FCHO2: variants seen among roughly 807,000 people sequenced by gnomAD.
FCHO2 encodes F-BAR domain only protein 2.
FCHO2 carries 43 observed loss-of-function variants against 114.1 expected under a neutral mutation model. The ratio of observed to expected loss-of-function variants is 0.38; its 90% CI spans 0.30 to 0.49. FCHO2 has a LOEUF of 0.49. Ranked by LOEUF, FCHO2 falls within the 20% of genes least tolerant of loss-of-function variation. FCHO2 has a pLI of 0.97. For synonymous variants in FCHO2, 293 were observed against 315.2 expected (o/e 0.93, Z 0.75); for missense variants, 807 against 950.4 (o/e 0.85, Z 1.98).
At chr5:73,084,142 C>G (rs1419019682) in intron 24 of FCHO2, among the ~76,000 whole-genome samples, 5 of 152,126 alleles carry the variant, frequency 3.3e-5, no homozygotes, top group Admixed American at 3.3e-4. Flanking sequence ...CTTGGGACAG[C>G]CAAGTCTTTA....
chr5:73,018,350 C>G (rs1349971207), intron 8 of FCHO2, among the ~76,000 whole-genome samples: 1 of 152,098 alleles, frequency 6.6e-6, no homozygotes, highest in African/African-American at 2.4e-5. Flanking sequence ...CTTCTCCAAT[C>G]TATTTTACAT....
At chr5:73,068,024 C>T (rs1229036633) in intron 18 of FCHO2, among the ~76,000 whole-genome samples, 1 of 151,854 alleles carries the variant, frequency 6.6e-6, no homozygotes, top group African/African-American at 2.4e-5. Flanking sequence ...GGAAGCATTA[C>T]AAGGAATTAC....
chr5:72,958,717 A>C (rs1292978474), intron 1 of FCHO2, among the ~76,000 whole-genome samples: 1 of 152,206 alleles, frequency 6.6e-6, no homozygotes, highest in Non-Finnish European at 1.5e-5. Flanking sequence ...TTAGCCTGTC[A>C]ATTTTAGGCA....
At chr5:73,054,458 A>G (rs1479667186) in intron 14 of FCHO2, 67 bp from the exon 15 acceptor site, 7 of 1,387,252 alleles carry the variant, frequency 5.0e-6, no homozygotes, top group Non-Finnish European at 6.9e-6. Context: ...CAGTATTAAC[A>G]TTTTACCAAA....
In FCHO2 at chr5:72,975,417, C is replaced by T. The variant is rs1202952741; in HGVS notation, c.125+6828C>T. 4.6e-5 allele frequency among the ~76,000 whole-genome samples: 7 copies of T among 152,146 alleles called. No homozygotes were observed. The East Asian group carries it at 1.3e-3, about 29-fold the overall frequency. On this transcript the variant is annotated intron_variant, in intron 2 of 25. Coordinates refer to ENST00000430046, the MANE Select transcript of FCHO2 (RefSeq NM_138782.3). ...TCAATGCTCACTGTAACTTCTGCCC[C>T]CTGGATTCAAGCGATTCTTGTGCCT...
At chr5:73,042,299 T>C (rs1048179233) in intron 11 of FCHO2, among the ~76,000 whole-genome samples, 3 of 152,180 alleles carry the variant, frequency 2.0e-5, no homozygotes, top group African/African-American at 2.4e-5. Context: ...GGTTAACTAA[T>C]TAATGAAAAG....
At chr5:73,073,746 A>G (rs1303297657) in intron 19 of FCHO2, among the ~76,000 whole-genome samples, 1 of 152,126 alleles carries the variant, frequency 6.6e-6, no homozygotes, top group Admixed American at 6.6e-5. Context: ...TTGTTTCACT[A>G]CAGGAGTCGC....
At chr5:73,078,568 A>G (rs1742991525) in intron 22 of FCHO2, among the ~76,000 whole-genome samples, 1 of 152,220 alleles carries the variant, frequency 6.6e-6, no homozygotes, top group Non-Finnish European at 1.5e-5. Flanking sequence ...TAGCAGTATC[A>G]GTCTTAACAA....
intron 16 of FCHO2, among the ~76,000 whole-genome samples, chr5:73,056,358 A>T (rs1033981704): frequency 5.3e-5 from 8 of 152,218 alleles, no homozygotes; most frequent in Non-Finnish European, 8.8e-5. Context: ...TTGGTGTTGG[A>T]CAAATGTGTA....
chr5:73,021,885 C>T (rs1755647106), intron 8 of FCHO2, among the ~76,000 whole-genome samples: 1 of 152,108 alleles, frequency 6.6e-6, no homozygotes, highest in Non-Finnish European at 1.5e-5. Context: ...GTTTAGTGAG[C>T]TCTTACTGTG....
At chr5:73,034,791 T>G in intron 9 of FCHO2, 90 bp downstream of exon 9, 1 of 1,061,218 alleles carries the variant, frequency 9.4e-7, no homozygotes, top group Non-Finnish European at 1.3e-6. Flanking sequence ...CTGCTATCCC[T>G]AGGTGTCAGC....
intron 8 of FCHO2, among the ~76,000 whole-genome samples, chr5:73,023,700 C>CAA (rs201431388): frequency 7.8e-6 from 1 of 127,582 alleles, no homozygotes. Context: ...AACTCCATCT[C>CAA]AAAAAAAAAA....
chr5:72,964,938 C>T (rs747108632), intron 1 of FCHO2, among the ~76,000 whole-genome samples: 2 of 151,922 alleles, frequency 1.3e-5, no homozygotes, highest in Non-Finnish European at 2.9e-5. Flanking sequence ...TCCCTTTGTC[C>T]AGTGCATCCA....
intron 8 of FCHO2, among the ~76,000 whole-genome samples, chr5:73,024,397 G>A (rs1755802937): frequency 6.6e-6 from 1 of 150,780 alleles, no homozygotes; most frequent in Non-Finnish European, 1.5e-5. Context: ...TAGTGCAGTG[G>A]TTTGTGACCT....
rs577951574 is a variant in FCHO2, at chr5:73,035,847, T to C, written c.841+1146T>C. 9.3e-4 allele frequency among the ~76,000 whole-genome samples: 141 copies of C among 152,126 alleles called. 2 individuals are homozygous for C. Among genetic ancestry groups the C allele is most frequent in the African/African-American group, 3.3e-3 (138 of 41,522 alleles). On this transcript the variant is annotated intron_variant, in intron 9 of 25. Coordinates refer to ENST00000430046, the MANE Select transcript of FCHO2 (RefSeq NM_138782.3). ...GAGTAAACACCTAAGTTTTAAGTGCTGAATTCTTTTTTTTGAGACGGGGTC... is the reference window on the plus strand; with the variant it reads ...GAGTAAACACCTAAGTTTTAAGTGCCGAATTCTTTTTTTTGAGACGGGGTC...
intron 11 of FCHO2, among the ~76,000 whole-genome samples, chr5:73,042,635 G>GA (rs1434360004): frequency 2.0e-5 from 3 of 152,012 alleles, no homozygotes; most frequent in African/African-American, 2.4e-5. Flanking sequence ...TATAAAACTA[G>GA]AAAAAATACG....
intron 6 of FCHO2, among the ~76,000 whole-genome samples, chr5:73,008,728 T>G (rs1190712088): frequency 6.6e-6 from 1 of 152,154 alleles, no homozygotes; most frequent in Non-Finnish European, 1.5e-5. Flanking sequence ...AAAACTTGAC[T>G]TGAACTGATA....
chr5:73,005,584 C>T (rs1348566702), intron 5 of FCHO2, among the ~76,000 whole-genome samples: 1 of 152,128 alleles, frequency 6.6e-6, no homozygotes, highest in Non-Finnish European at 1.5e-5. Context: ...CCAACCACAT[C>T]ACTCCATCTT....
chr5:72,998,171 T>G (rs1223933293), intron 5 of FCHO2, among the ~76,000 whole-genome samples: 2 of 152,138 alleles, frequency 1.3e-5, no homozygotes, highest in African/African-American at 4.8e-5. Flanking sequence ...AGGAGCTGAC[T>G]TTATTCAAAA....
Sources: allele counts gnomAD v4.1 joint callset (sites outside exome capture counted in the v4.1 genomes callset), GRCh38; gene constraint gnomAD v4.1.1; transcripts MANE v1.5; gene names NCBI Gene and HGNC (gene_info 2026-07-23, HGNC 2026-07-21).